STT3A: variants seen among roughly 807,000 people sequenced by gnomAD.
STT3A encodes STT3 oligosaccharyltransferase complex catalytic subunit A.
In STT3A, 34 loss-of-function variants were observed where a neutral mutation model predicts 89.2. That is an observed-to-expected ratio of 0.38 (90% confidence interval 0.29 to 0.51). The LOEUF (loss-of-function observed/expected upper bound fraction) is 0.51. Ranked by LOEUF, STT3A falls within the 20% of genes least tolerant of loss-of-function variation. The probability of loss-of-function intolerance (pLI) is 0.89; values close to 1 mark genes in which losing one functional copy is unlikely to be tolerated. For synonymous variants in STT3A, 282 were observed against 310.3 expected, an observed-to-expected ratio of 0.91 and a Z score of 0.96; for missense variants, 555 against 889.5, an observed-to-expected ratio of 0.62 and a Z score of 4.78.
chr11:125,604,101 G>A lies in STT3A; in HGVS notation c.418-56G>A, dbSNP rs7115074. On this transcript the variant is annotated intron_variant, in intron 5 of 17. Transcript: ENST00000392708. ...AACAGAATGGACTAGTGGATCCTCT[G>A]TTCTTTCTCAGCATTGTATTGGTGT... The A allele has an allele frequency of 0.071, 111,864 of 1,576,974 alleles. 5,113 individuals are homozygous for A. Among genetic ancestry groups the A allele is most frequent in the African/African-American group, 0.23 (16,691 of 74,132 alleles).
intron 1 of STT3A, among the ~76,000 whole-genome samples, chr11:125,594,150 G>A (rs77291826): frequency 6.6e-6 from 1 of 152,050 alleles, no homozygotes; most frequent in Non-Finnish European, 1.5e-5. Context: ...TTATATACAT[G>A]TACCAAAATG....
intron 17 of STT3A, 94 bp from the exon 18 acceptor site, chr11:125,620,678 T>C (rs1565354204): frequency 2.5e-6 from 3 of 1,218,680 alleles, no homozygotes; most frequent in Non-Finnish European, 3.6e-6. Context: ...GAACCCAACA[T>C]AATCCTGCCC....
At chr11:125,595,586 T>G (rs1448876697) in intron 1 of STT3A, among the ~76,000 whole-genome samples, 1 of 152,206 alleles carries the variant, frequency 6.6e-6, no homozygotes. Flanking sequence ...CCTTGTGCTA[T>G]ACTATTGCTA....
rs756213463 is a variant in STT3A, at chr11:125,620,854, A to G, written c.*44A>G. ...ATATGCTTCGCACTGAGCACATCAC[A>G]TTTAGGACGTTGAAGATTTTTTTTT... On this transcript the variant is annotated 3_prime_UTR_variant, in exon 18 of 18. Transcript: ENST00000392708. 2 of 1,448,784 alleles carry G rather than the reference A, an allele frequency of 1.4e-6. No homozygotes were observed. The highest frequency in any genetic ancestry group is 2.3e-5 in the East Asian group (1 of 43,002). 89.7% of individuals were successfully genotyped at this position (1,448,784 alleles called of 1,614,324 possible).
rs1940088980 is a variant in STT3A, at chr11:125,613,623, A to G, written c.1554+446A>G. Reference sequence around the variant, plus strand: ...ATTTCCTTTACAATAACTATTAGGAATATCATTTCTGAGACAATTTGTTAG... The same window carrying G: ...ATTTCCTTTACAATAACTATTAGGAGTATCATTTCTGAGACAATTTGTTAG... On this transcript the variant is annotated intron_variant, in intron 13 of 17. Coordinates refer to ENST00000392708, the MANE Select transcript of STT3A (RefSeq NM_152713.5). This position sits in a 1 kb window ranked among gnomAD's most constrained non-coding sequence, Gnocchi z 4.2. The G allele has an allele frequency of 6.0e-6, 1 of 166,852 alleles. No individual in the cohort carries two copies. The highest frequency in any genetic ancestry group is 1.3e-5 in the Non-Finnish European group (1 of 77,080). The allele number at this position is 166,852 out of a possible 1,614,324, so 10.3% of individuals were successfully genotyped here.
chr11:125,611,447 T>A lies in STT3A; in HGVS notation c.1137T>A (p.Phe379Leu). 6.2e-7 allele frequency: 1 copy of A among 1,614,042 alleles called. No homozygotes were observed. Among genetic ancestry groups the A allele is most frequent in the Non-Finnish European group, 8.5e-7 (1 of 1,179,940 alleles). ...TTGTAGTTGGCCTCTATTACTGCTTTAGCAACCTGTCTGATGCCCGGATTT... is the reference window on the plus strand; with the variant it reads ...TTGTAGTTGGCCTCTATTACTGCTTAAGCAACCTGTCTGATGCCCGGATTT... Reference protein sequence around the residue: ...FMFPVGLYYCFSNLSDARIFI... With the variant: ...FMFPVGLYYCLSNLSDARIFI... The change falls in exon 11 of 18, where the codon TTT (phenylalanine) becomes TTA (leucine). Residue 379 changes from phenylalanine to leucine, a missense_variant. Physicochemically the swap from Phe to Leu is conservative, Grantham distance 22. Around this residue, in one of 5 missense-constraint regions of STT3A, gnomAD observed 273 missense variants for 449.8 expected, o/e 0.61. Transcript: ENST00000392708.
In STT3A at chr11:125,602,858, C is replaced by T. The variant is rs1321223668; in HGVS notation, c.327C>T (p.Thr109=). The part of the protein sequence containing the change: ...IYHVLHFFHI[T]IDIRNVCVFL... The stretch of plus-strand genomic sequence containing the variant: ...ATGTACTCCATTTTTTCCACATCAC[C>T]ATCGACATTCGGAATGTCTGTGTGT... The change falls in exon 5 of 18, where the codon ACC becomes ACT. Residue 109 remains threonine, a synonymous_variant. Transcript: ENST00000392708. 6 of 1,613,986 alleles carry T rather than the reference C, an allele frequency of 3.7e-6. No individual in the cohort carries two copies. The highest frequency in any genetic ancestry group is 1.3e-5 in the African/African-American group (1 of 74,894).
chr11:125,614,125 G>A lies in STT3A; in HGVS notation c.1593G>A (p.Gln531=), dbSNP rs113399395. Reference sequence around the variant, plus strand: ...TGTCCTGGTGGGATTATGGCTATCAGATTACAGCTATGGCAAACCGAACAA... The same window carrying A: ...TGTCCTGGTGGGATTATGGCTATCAAATTACAGCTATGGCAAACCGAACAA... ...KVMSWWDYGY[Q]ITAMANRTIL... is the part of the protein sequence containing the mutation. The change falls in exon 14 of 18, where the codon CAG becomes CAA. Residue 531 remains glutamine (Q), a synonymous_variant. Transcript: ENST00000392708. This position sits in a 1 kb window ranked among gnomAD's most constrained non-coding sequence, Gnocchi z 4.9. The A allele has an allele frequency of 6.2e-7, 1 of 1,614,136 alleles. No individual in the cohort carries two copies. Among genetic ancestry groups the A allele is most frequent in the South Asian group, 1.1e-5 (1 of 91,072 alleles).
intron 3 of STT3A, among the ~76,000 whole-genome samples, chr11:125,600,046 GTTA>G (rs920656336): frequency 6.7e-6 from 1 of 148,692 alleles, no homozygotes; most frequent in African/African-American, 2.5e-5. Context: ...ATTTTTATTT[GTTA>G]TTATTATTAA....
At chr11:125,617,590 G>C (rs1316680528) in intron 15 of STT3A, among the ~76,000 whole-genome samples, 1 of 152,214 alleles carries the variant, frequency 6.6e-6, no homozygotes, top group Non-Finnish European at 1.5e-5. Flanking sequence ...AACCCTAAAA[G>C]AGATATCATG....
In STT3A at chr11:125,602,863, A is replaced by C; in HGVS notation, c.332A>C (p.Asp111Ala). Residue 111 changes from aspartate (D) to alanine (A), a missense_variant, in exon 5 of 18, where the codon GAC (aspartate) becomes GCC (alanine). This residue lies in a region of STT3A where 129 missense variants were observed against 193.2 expected (regional missense o/e 0.67). Transcript: ENST00000392708. ...CTCCATTTTTTCCACATCACCATCG[A>C]CATTCGGAATGTCTGTGTGTTCCTG... Reference protein sequence around the residue: ...HVLHFFHITIDIRNVCVFLAP... With the variant: ...HVLHFFHITIAIRNVCVFLAP... The C allele has an allele frequency of 6.2e-7, 1 of 1,614,008 alleles. No individual in the cohort carries two copies. Among genetic ancestry groups the C allele is most frequent in the South Asian group, 1.1e-5 (1 of 91,074 alleles).
At chr11:125,609,648 A>C in intron 10 of STT3A, 59 bp downstream of exon 10, 3 of 1,566,808 alleles carry the variant, frequency 1.9e-6, no homozygotes, top group Non-Finnish European at 2.6e-6. Flanking sequence ...TTGATTCCAA[A>C]TTTGCAAGCT....
At chr11:125,618,234 C>A in intron 15 of STT3A, 139 bp from the exon 16 acceptor site, 1 of 777,078 alleles carries the variant, frequency 1.3e-6, no homozygotes, top group Non-Finnish European at 2.0e-6. Flanking sequence ...GTATGTTGTC[C>A]TCACTATTTT....
At chr11:125,603,418 G>T in intron 5 of STT3A, 1 of 155,488 alleles carries the variant, frequency 6.4e-6, no homozygotes, top group Non-Finnish European at 1.4e-5. Flanking sequence ...TGTTTTTCCA[G>T]GTTTCAGCAT....
chr11:125,616,242 T>C (rs1198336887), intron 15 of STT3A, among the ~76,000 whole-genome samples: 1 of 152,200 alleles, frequency 6.6e-6, no homozygotes, highest in Non-Finnish European at 1.5e-5. Context: ...TAAAATGGTT[T>C]AGTATTTGTA....
At chr11:125,602,274 T>C (rs752114691) in intron 3 of STT3A, 29 bp from the exon 4 acceptor site, 1 of 1,604,708 alleles carries the variant, frequency 6.2e-7, no homozygotes, top group African/African-American at 1.3e-5. Flanking sequence ...TCACCACAAA[T>C]TTACAACAAA....
chr11:125,597,207 G>A, intron 3 of STT3A, 88 bp downstream of exon 3: 2 of 1,349,358 alleles, frequency 1.5e-6, no homozygotes, highest in South Asian at 1.2e-5. Context: ...TCAGCTCTCA[G>A]TGATAGAGAT....
At position 125,618,565 on chromosome 11, in the gene STT3A, A is replaced by G; in HGVS notation, c.1963+4A>G. 6.2e-7 allele frequency: 1 copy of G among 1,609,246 alleles called. No individual in the cohort carries two copies. Among genetic ancestry groups the G allele is most frequent in the Non-Finnish European group, 8.5e-7 (1 of 1,178,564 alleles). On this transcript the variant is annotated splice_donor_region_variant and intron_variant, in intron 16 of 17. Coordinates refer to ENST00000392708, the MANE Select transcript of STT3A (RefSeq NM_152713.5). ...GGACAGGTTTACACAGAAGCCAGTG[A>G]GTGACTCATAATAATATTAATAACA... is the stretch of plus-strand genomic sequence containing the variant.
intron 3 of STT3A, among the ~76,000 whole-genome samples, chr11:125,601,828 T>C (rs532857984): frequency 6.6e-6 from 1 of 151,890 alleles, no homozygotes; most frequent in South Asian, 2.1e-4. Context: ...TGAGATGGAG[T>C]CTTGCTCTGT....
Sources: gnomAD v4.1 joint callset for allele counts (sites outside exome capture counted in the v4.1 genomes callset) on GRCh38, gnomAD v4.1.1 for gene constraint, gnomAD v4.1.1 regional missense constraint, Gnocchi (gnomAD v3.1) non-coding constraint, MANE v1.5 for transcripts, NCBI Gene and HGNC (gene_info 2026-07-23, HGNC 2026-07-21) for gene names.